The following DDX46 variants were observed in gnomAD, a reference collection of about 807,000 sequenced individuals.
The protein encoded by DDX46 is DEAD-box helicase 46.
A neutral mutation model predicts 134.9 loss-of-function variants in DDX46; 30 were observed. The observed-to-expected ratio is 0.22, with a 90% CI of 0.17 to 0.30. The LOEUF (loss-of-function observed/expected upper bound fraction) is 0.30, where lower values mean the gene tolerates loss of function less well. Among genes scored for constraint, DDX46 ranks in the 10% least tolerant of loss-of-function variants. The pLI is 1.00. For synonymous variants in DDX46, 415 were observed against 404.1 expected (o/e 1.03, Z -0.32); for missense variants, 622 against 1,248.7 (o/e 0.50, Z 7.56).
In DDX46 at chr5:134,770,957, A is replaced by G; in HGVS notation, c.405A>G (p.Lys135=). Residue 135 remains lysine, a synonymous_variant, in exon 4 of 23, where the codon AAA becomes AAG. Transcript: ENST00000452510. ...DGGESSKEKK[K]DKDDKEDEKE... is the part of the protein sequence containing the mutation. ...GGGAAAGTTCTAAAGAGAAGAAAAA[A>G]GACAAAGATGACAAGGAGGATGAAA... 1 of 1,554,442 alleles carries G rather than the reference A, an allele frequency of 6.4e-7. No homozygotes were observed. Among genetic ancestry groups the G allele is most frequent in the Non-Finnish European group, 8.8e-7 (1 of 1,137,268 alleles).
intron 1 of DDX46, among the ~76,000 whole-genome samples, chr5:134,763,518 C>G (rs1385540777): frequency 2.0e-5 from 3 of 152,178 alleles, no homozygotes; most frequent in Non-Finnish European, 4.4e-5. Context: ...CCCTGTATAT[C>G]TACATGGCTC....
At chr5:134,815,037 A>AG (rs771701418) in intron 18 of DDX46, among the ~76,000 whole-genome samples, 9 of 151,656 alleles carry the variant, frequency 5.9e-5, no homozygotes, top group Non-Finnish European at 1.0e-4. Context: ...GCTTGAGCCC[A>AG]GGAGTTCAAG....
intron 9 of DDX46, among the ~76,000 whole-genome samples, chr5:134,783,824 C>T (rs1754246468): frequency 6.7e-6 from 1 of 149,902 alleles, no homozygotes; most frequent in Non-Finnish European, 1.5e-5. Flanking sequence ...ACTGGGATTA[C>T]AGGCGTGAGC....
At position 134,768,804 on chromosome 5, in the gene DDX46, T is replaced by G. The variant is rs541119964; in HGVS notation, c.350+1744T>G. 2.6e-5 allele frequency among the ~76,000 whole-genome samples: 4 copies of G among 152,294 alleles called. No individual in the cohort carries two copies. The East Asian group carries it at 7.7e-4, about 29-fold the overall frequency. ...GTCTGGGTGAAGTGGCTCACGCCTG[T>G]AATCCTAGCACTTTGGGAGGCCGAG... On this transcript the variant is annotated intron_variant, in intron 3 of 22. Coordinates refer to ENST00000452510, the MANE Select transcript of DDX46 (RefSeq NM_001300860.2).
chr5:134,804,583 C>T lies in DDX46; in HGVS notation c.1955-3165C>T, dbSNP rs1429159347. Reference sequence around the variant, plus strand: ...CCACCCGAGGAGTTGGGACTACAAGCGTGTGCCACCACACCAGGCTAATTT... The same window carrying T: ...CCACCCGAGGAGTTGGGACTACAAGTGTGTGCCACCACACCAGGCTAATTT... On this transcript the variant is annotated intron_variant, in intron 15 of 22. Coordinates refer to ENST00000452510, the MANE Select transcript of DDX46 (RefSeq NM_001300860.2). Among the ~76,000 whole-genome samples the T allele has an allele frequency of 3.9e-5, 6 of 152,170 alleles. No individual in the cohort carries two copies. The East Asian group carries it at 7.7e-4, about 20-fold the overall frequency.
At chr5:134,765,720 A>G (rs1251358017) in intron 2 of DDX46, among the ~76,000 whole-genome samples, 1 of 152,192 alleles carries the variant, frequency 6.6e-6, no homozygotes, top group Non-Finnish European at 1.5e-5. Context: ...AAAATAGGAA[A>G]GGAAGACAAG....
rs1439087242 is a variant in DDX46, at chr5:134,797,679, C to T, written c.1954+1529C>T. Among the ~76,000 whole-genome samples the T allele has an allele frequency of 5.3e-5, 8 of 152,138 alleles. No homozygotes were observed. In the East Asian group the frequency reaches 1.5e-3, roughly 29 times the overall value. On this transcript the variant is annotated intron_variant, in intron 15 of 22. Transcript: ENST00000452510. The stretch of plus-strand genomic sequence containing the variant: ...ACTTCTTGATTGAGAGAGTGTCATC[C>T]CACATGCAGAAAAGCATATGGAATA...
chr5:134,811,188 G>T (rs768629008), intron 16 of DDX46, 33 bp from the exon 17 acceptor site: 1 of 1,603,020 alleles, frequency 6.2e-7, no homozygotes, highest in Non-Finnish European at 8.5e-7. Context: ...TCTTGTTAGT[G>T]TCTAATAATT....
chr5:134,778,081 T>G (rs1754004140), intron 6 of DDX46, among the ~76,000 whole-genome samples: 2 of 151,070 alleles, frequency 1.3e-5, no homozygotes, highest in African/African-American at 4.9e-5. Flanking sequence ...TGCAATGGTG[T>G]GATCTTGGCT....
chr5:134,782,654 T>C (rs113594718), intron 8 of DDX46, among the ~76,000 whole-genome samples: 55 of 152,084 alleles, frequency 3.6e-4, no homozygotes, highest in African/African-American at 1.2e-3. Context: ...GATCTTCCTA[T>C]GTCAGCCTCC....
intron 15 of DDX46, among the ~76,000 whole-genome samples, chr5:134,799,715 G>A (rs1305791313): frequency 1.3e-5 from 2 of 150,886 alleles, no homozygotes; most frequent in South Asian, 4.2e-4. Context: ...TCTGGTGTGG[G>A]CGACAAAAGC....
In DDX46 at chr5:134,770,816, CAAAAA is replaced by C; in HGVS notation, c.351-75_351-71del. The stretch of plus-strand genomic sequence containing the variant: ...TGGGCGACAGAGTGAGACACTGTCT[CAAAAA>C]AAAAAAAAAAAGTATTTAAAAATGA... On this transcript the variant is annotated intron_variant, in intron 3 of 22. Coordinates refer to ENST00000452510, the MANE Select transcript of DDX46 (RefSeq NM_001300860.2). The C allele has an allele frequency of 1.5e-5, 14 of 912,618 alleles. No individual in the cohort carries two copies. In the Admixed American group the frequency reaches 1.9e-4, roughly 12 times the overall value. 56.5% of individuals were successfully genotyped at this position (912,618 alleles called of 1,614,324 possible).
At position 134,777,732 on chromosome 5, in the gene DDX46, A is replaced by C; in HGVS notation, c.765+7A>C. On this transcript the variant is annotated splice_region_variant and intron_variant, in intron 6 of 22. Transcript: ENST00000452510. ...TGGTGGGGGAAATGAAAAGGTATGG[A>C]ATTTCTTATTTTTAAAGATTTCCGT... 2 of 1,591,930 alleles carry C rather than the reference A, an allele frequency of 1.3e-6. No homozygotes were observed. Among genetic ancestry groups the C allele is most frequent in the Non-Finnish European group, 1.7e-6 (2 of 1,172,942 alleles).
intron 8 of DDX46, among the ~76,000 whole-genome samples, chr5:134,782,447 C>A (rs563855494): frequency 6.6e-6 from 1 of 151,994 alleles, no homozygotes; most frequent in African/African-American, 2.4e-5. Flanking sequence ...TGAGACCATC[C>A]TGGCCAATAT....
chr5:134,760,725 T>TTTTTTG (rs1389706411), intron 1 of DDX46, among the ~76,000 whole-genome samples: 10 of 152,066 alleles, frequency 6.6e-5, no homozygotes, highest in South Asian at 2.1e-4. Context: ...ACTTGGTTGT[T>TTTTTTG]TTTTTGTTTT....
chr5:134,766,274 C>G (rs1294072581), intron 2 of DDX46, among the ~76,000 whole-genome samples: 1 of 152,148 alleles, frequency 6.6e-6, no homozygotes, highest in East Asian at 1.9e-4. Context: ...TTAGTATTCT[C>G]TGGCCTGGCA....
At chr5:134,772,629 G>C (rs1753809123) in intron 4 of DDX46, among the ~76,000 whole-genome samples, 1 of 152,152 alleles carries the variant, frequency 6.6e-6, no homozygotes, top group Admixed American at 6.5e-5. Context: ...TCAGCCTCCT[G>C]AGTAGCTGGG....
chr5:134,764,466 A>G (rs982659172), intron 2 of DDX46, among the ~76,000 whole-genome samples: 1 of 152,064 alleles, frequency 6.6e-6, no homozygotes, highest in African/African-American at 2.4e-5. Context: ...TGTCTTTAAA[A>G]GAGACGGTGT....
At chr5:134,815,128 G>T (rs1167542139) in intron 18 of DDX46, among the ~76,000 whole-genome samples, 1 of 152,140 alleles carries the variant, frequency 6.6e-6, no homozygotes, top group East Asian at 1.9e-4. Flanking sequence ...TGCACGCTGT[G>T]GTCCTAGCTA....
Sources: allele counts gnomAD v4.1 joint callset (sites outside exome capture counted in the v4.1 genomes callset), GRCh38; gene constraint gnomAD v4.1.1; transcripts MANE v1.5; gene names NCBI Gene and HGNC (gene_info 2026-07-23, HGNC 2026-07-21).